PAIP1: variants seen among roughly 807,000 people sequenced by gnomAD.
PAIP1 encodes polyadenylate-binding protein-interacting protein 1.
A neutral mutation model predicts 61.3 loss-of-function variants in PAIP1; 16 were observed. The ratio of observed to expected loss-of-function variants is 0.26; its 90% CI spans 0.18 to 0.40. PAIP1 has a LOEUF of 0.40. Among genes scored for constraint, PAIP1 ranks in the 10% least tolerant of loss-of-function variants. The probability of loss-of-function intolerance (pLI) is 1.00; values close to 1 mark genes in which losing one functional copy is unlikely to be tolerated. For synonymous variants in PAIP1, 187 were observed against 226.2 expected (o/e 0.83, Z 1.56); for missense variants, 416 against 600.9 (o/e 0.69, Z 3.22).
intron 4 of PAIP1, among the ~76,000 whole-genome samples, chr5:43,540,538 A>G (rs1747357749): frequency 6.6e-6 from 1 of 152,240 alleles, no homozygotes; most frequent in African/African-American, 2.4e-5. Context: ...TTATTTTGGA[A>G]AGGTTAAAAC....
chr5:43,548,405 A>AC (rs1747731878), intron 2 of PAIP1, among the ~76,000 whole-genome samples: 1 of 151,740 alleles, frequency 6.6e-6, no homozygotes, highest in Non-Finnish European at 1.5e-5. Flanking sequence ...GAAAAAAAAA[A>AC]CAAAAACAAA....
intron 2 of PAIP1, among the ~76,000 whole-genome samples, chr5:43,554,855 G>A (rs1001350622): frequency 2.0e-5 from 3 of 152,122 alleles, no homozygotes; most frequent in East Asian, 3.8e-4. Context: ...AAGGCATACA[G>A]CCAGCAAGAC....
At chr5:43,554,632 T>C (rs929665196) in intron 2 of PAIP1, among the ~76,000 whole-genome samples, 2 of 152,006 alleles carry the variant, frequency 1.3e-5, no homozygotes, top group Non-Finnish European at 2.9e-5. Context: ...AAGGGAAATA[T>C]AAATTAAAAC....
intron 2 of PAIP1, among the ~76,000 whole-genome samples, chr5:43,551,728 G>C (rs1166995487): frequency 6.8e-6 from 1 of 147,772 alleles, no homozygotes; most frequent in African/African-American, 2.6e-5. Context: ...ATGCTGCTTA[G>C]AGCGCTGATT....
At position 43,550,324 on chromosome 5, in the gene PAIP1, G is replaced by T. The variant is rs140246553; in HGVS notation, c.436-2411C>A. On this transcript the variant is annotated intron_variant, in intron 2 of 10. Transcript: ENST00000306846. Reference sequence around the variant, plus strand: ...ATTAATCAAATTCACCTAGATTGGTGAAGAGCACATAGTAAAGCACAGAAT... The same window carrying T: ...ATTAATCAAATTCACCTAGATTGGTTAAGAGCACATAGTAAAGCACAGAAT... Among the ~76,000 whole-genome samples, 45 of 152,228 alleles carry T rather than the reference G, an allele frequency of 3.0e-4. 1 individual carries two copies. Among genetic ancestry groups the T allele is most frequent in the African/African-American group, 1.0e-3 (43 of 41,552 alleles).
chr5:43,556,209 C>G, intron 1 of PAIP1: 1 of 1,319,316 alleles, frequency 7.6e-7, no homozygotes, highest in Non-Finnish European at 9.6e-7. Context: ...ATACCTGCCT[C>G]TCAAATGAGT....
chr5:43,538,788 C>T lies in PAIP1; in HGVS notation c.846+136G>A, dbSNP rs867325916. On this transcript the variant is annotated intron_variant, in intron 5 of 10. Transcript: ENST00000306846. ...GTAAACCACAGACACTAGCAGGTGC[C>T]GAAACATGTTTTCTTTCCTCTCTCT... The T allele has an allele frequency of 1.7e-5, 10 of 584,888 alleles. No homozygotes were observed. In the East Asian group the frequency reaches 2.3e-4, roughly 13 times the overall value. The allele number at this position is 584,888 out of a possible 1,614,324, so 36.2% of individuals were successfully genotyped here.
At chr5:43,534,101 T>G (rs1490935651) in intron 8 of PAIP1, among the ~76,000 whole-genome samples, 1 of 152,220 alleles carries the variant, frequency 6.6e-6, no homozygotes, top group Non-Finnish European at 1.5e-5. Context: ...CACCATTTCT[T>G]TTAAGAATTT....
At position 43,556,832 on chromosome 5, in the gene PAIP1, G is replaced by T; in HGVS notation, c.15C>A (p.Phe5Leu). 1.4e-6 allele frequency: 2 copies of T among 1,448,404 alleles called. No homozygotes were observed. The highest frequency in any genetic ancestry group is 1.8e-6 in the Non-Finnish European group (2 of 1,102,546). The allele number at this position is 1,448,404 out of a possible 1,614,324, so 89.7% of individuals were successfully genotyped here. A position where few individuals can be genotyped will look rare whatever the true frequency, so the allele number is the denominator to read the frequency against. ...CCCGACCAGCACCTGGGGCCCGATC[G>T]AAACCGTCCGACATGCTCCTCCTCC... MSDG[F>L]DRAPGAGRGR... Residue 5 changes from phenylalanine to leucine, a missense_variant, in exon 1 of 11, where the codon TTC becomes TTA. By Grantham distance (22) the Phe-to-Leu change is conservative. Transcript: ENST00000306846.
chr5:43,555,803 G>C (rs1175291108), intron 2 of PAIP1, 27 bp downstream of exon 2: 2 of 1,562,634 alleles, frequency 1.3e-6, no homozygotes, highest in African/African-American at 2.7e-5. Flanking sequence ...AATTAACCCA[G>C]AGTTGTAGGA....
At chr5:43,549,545 G>A (rs1269346800) in intron 2 of PAIP1, among the ~76,000 whole-genome samples, 1 of 151,642 alleles carries the variant, frequency 6.6e-6, no homozygotes, top group South Asian at 2.1e-4. Flanking sequence ...TTCACCTCCC[G>A]CCATGATTCT....
intron 2 of PAIP1, among the ~76,000 whole-genome samples, chr5:43,551,345 T>C (rs1480569939): frequency 6.6e-6 from 1 of 152,172 alleles, no homozygotes; most frequent in Non-Finnish European, 1.5e-5. Context: ...TAACAATCCA[T>C]TAACAAGGAA....
At chr5:43,529,593 T>C (rs562684011) in intron 10 of PAIP1, among the ~76,000 whole-genome samples, 193 bp downstream of exon 10, 1 of 152,328 alleles carries the variant, frequency 6.6e-6, no homozygotes, top group South Asian at 2.1e-4. Flanking sequence ...GGTTTCGCCA[T>C]GTTGGCCAGG....
chr5:43,530,335 C>T (rs1746886230), intron 9 of PAIP1, among the ~76,000 whole-genome samples: 1 of 152,200 alleles, frequency 6.6e-6, no homozygotes, highest in Admixed American at 6.5e-5. Context: ...AGGCAGCTAC[C>T]TGGTAAACGT....
intron 4 of PAIP1, among the ~76,000 whole-genome samples, chr5:43,541,523 T>A (rs918367086): frequency 4.7e-5 from 7 of 150,132 alleles, no homozygotes; most frequent in Non-Finnish European, 8.9e-5. Flanking sequence ...GGAACTCATC[T>A]TTTTTTCCCA....
intron 9 of PAIP1, among the ~76,000 whole-genome samples, chr5:43,533,260 G>A (rs1165866603): frequency 4.6e-5 from 7 of 152,050 alleles, no homozygotes; most frequent in Admixed American, 4.6e-4. Context: ...TTCTATAAAT[G>A]GTCCTCTTCT....
intron 2 of PAIP1, among the ~76,000 whole-genome samples, chr5:43,549,855 G>C (rs879780231): frequency 2.0e-5 from 3 of 152,046 alleles, no homozygotes; most frequent in Admixed American, 2.0e-4. Context: ...AGAGTAGCTG[G>C]GACTACAGGC....
At chr5:43,552,326 A>G (rs961810611) in intron 2 of PAIP1, among the ~76,000 whole-genome samples, 1 of 152,228 alleles carries the variant, frequency 6.6e-6, no homozygotes, top group African/African-American at 2.4e-5. Flanking sequence ...CACTGTGTAT[A>G]GATTTTATAC....
At chr5:43,529,308 C>T (rs1746841599) in intron 10 of PAIP1, among the ~76,000 whole-genome samples, 1 of 152,000 alleles carries the variant, frequency 6.6e-6, no homozygotes, top group Non-Finnish European at 1.5e-5. Context: ...GGTTATTTTC[C>T]TCAACTATAC....
Sources: gnomAD v4.1 joint callset for allele counts (sites outside exome capture counted in the v4.1 genomes callset) on GRCh38, gnomAD v4.1.1 for gene constraint, MANE v1.5 for transcripts, NCBI Gene and HGNC (gene_info 2026-07-23, HGNC 2026-07-21) for gene names.